LRRIQ3: variants seen among roughly 807,000 people sequenced by gnomAD.
The protein encoded by LRRIQ3 is leucine rich repeats and IQ motif containing 3.
LRRIQ3 carries 75 observed loss-of-function variants against 59.3 expected under a neutral mutation model. The observed-to-expected ratio is 1.26, with a 90% CI of 1.05 to 1.53. The LOEUF (loss-of-function observed/expected upper bound fraction) is 1.53, where lower values mean the gene tolerates loss of function less well. Among genes scored for constraint, LRRIQ3 ranks in the 40% most tolerant of loss-of-function variants. The probability of loss-of-function intolerance (pLI) is 0.00; values close to 1 mark genes in which losing one functional copy is unlikely to be tolerated. For missense variants in LRRIQ3, 831 were observed against 710.0 expected, an observed-to-expected ratio of 1.17 and a Z score of -1.94; for synonymous variants, 250 against 231.3, an observed-to-expected ratio of 1.08 and a Z score of -0.73.
chr1:74,111,303 C>T (rs559149018), intron 4 of LRRIQ3, among the ~76,000 whole-genome samples: 7 of 151,940 alleles, frequency 4.6e-5, no homozygotes, highest in Admixed American at 2.6e-4. Flanking sequence ...AAGTAAATTG[C>T]TTTTTACATA....
Position 74,041,274 on chromosome 1 carries a change from T to C in LRRIQ3, c.1657A>G (p.Lys553Glu). Reference protein sequence around the residue: ...AVLKEKSLIVKQKLKAEKYRK... With the variant: ...AVLKEKSLIVEQKLKAEKYRK... The stretch of plus-strand genomic sequence containing the variant: ...TATTTTTCTGCTTTTAGTTTTTGCT[T>C]AACAATCAGGCTTTTCTCTTTTAGG... Residue 553 changes from lysine to glutamate, a missense_variant, in exon 7 of 8, where the codon AAG becomes GAG. By Grantham distance (56) the Lys-to-Glu change is moderately conservative. Transcript: ENST00000354431. 1 of 1,599,708 alleles carries C rather than the reference T, an allele frequency of 6.3e-7. No individual in the cohort carries two copies. The highest frequency in any genetic ancestry group is 8.5e-7 in the Non-Finnish European group (1 of 1,176,572).
intron 3 of LRRIQ3, among the ~76,000 whole-genome samples, chr1:74,174,949 T>A (rs181641880): frequency 6.6e-6 from 1 of 152,248 alleles, no homozygotes; most frequent in Non-Finnish European, 1.5e-5. Context: ...TGGTAGAATG[T>A]TTCCCTTATT....
intron 5 of LRRIQ3, among the ~76,000 whole-genome samples, chr1:74,105,076 T>G (rs762980028): frequency 6.6e-6 from 1 of 152,090 alleles, no homozygotes; most frequent in Non-Finnish European, 1.5e-5. Context: ...GTAAATTTTT[T>G]GTTCACAATA....
chr1:74,195,060 G>T (rs1023567324), intron 1 of LRRIQ3, among the ~76,000 whole-genome samples: 4 of 152,122 alleles, frequency 2.6e-5, no homozygotes, highest in African/African-American at 4.8e-5. Flanking sequence ...AGGGGTGGGA[G>T]AATGTTTCTC....
intron 4 of LRRIQ3, among the ~76,000 whole-genome samples, chr1:74,111,753 T>G (rs1287771045): frequency 6.6e-6 from 1 of 152,072 alleles, no homozygotes; most frequent in East Asian, 1.9e-4. Context: ...TCTTCTTTCC[T>G]CCCTTCCTCC....
At chr1:74,068,607 T>C (rs182374177) in intron 6 of LRRIQ3, among the ~76,000 whole-genome samples, 196 of 152,200 alleles carry the variant, frequency 1.3e-3, no homozygotes, top group African/African-American at 4.6e-3. Flanking sequence ...TAAAAGTATT[T>C]AAAATATTTT....
intron 6 of LRRIQ3, among the ~76,000 whole-genome samples, chr1:74,073,251 G>C (rs1014620545): frequency 6.6e-6 from 1 of 151,978 alleles, no homozygotes; most frequent in African/African-American, 2.4e-5. Flanking sequence ...GGTGGCTCAC[G>C]CTTATAATCC....
chr1:74,145,790 CA>C (rs1299183158), intron 4 of LRRIQ3, among the ~76,000 whole-genome samples: 7 of 151,942 alleles, frequency 4.6e-5, no homozygotes, highest in African/African-American at 1.7e-4. Flanking sequence ...AATAAATCCT[CA>C]ATTTTCTCTA....
At chr1:74,194,536 A>G (rs1650974416) in intron 1 of LRRIQ3, among the ~76,000 whole-genome samples, 3 of 152,138 alleles carry the variant, frequency 2.0e-5, no homozygotes, top group Non-Finnish European at 4.4e-5. Context: ...AAGGTTATAT[A>G]CTTCTGTTCA....
chr1:74,027,018 A>C (rs1569985210), intron 7 of LRRIQ3, 49 bp from the exon 8 acceptor site: 1 of 1,252,438 alleles, frequency 8.0e-7, no homozygotes, highest in East Asian at 2.4e-5. Flanking sequence ...TAAATACTGA[A>C]ACCATGGCAA....
intron 1 of LRRIQ3, among the ~76,000 whole-genome samples, chr1:74,194,403 A>G (rs1387806034): frequency 6.6e-6 from 1 of 152,216 alleles, no homozygotes; most frequent in Non-Finnish European, 1.5e-5. Context: ...ACAAAACATT[A>G]TATTTTCATG....
In LRRIQ3 at chr1:74,031,600, T is replaced by TGGG. The variant is rs758230564; in HGVS notation, c.1719-4634_1719-4632dup. On this transcript the variant is annotated intron_variant, in intron 7 of 7. Coordinates refer to ENST00000354431, the MANE Select transcript of LRRIQ3 (RefSeq NM_001105659.2). ...ACACAGGAAGGGGAACATCACACAC[T>TGGG]GGGGCCTGTTGTGGGGTGAGGGGAG... is the stretch of plus-strand genomic sequence containing the variant. 1.2e-4 allele frequency among the ~76,000 whole-genome samples: 13 copies of TGGG among 110,842 alleles called. No individual in the cohort carries two copies. In the East Asian group the frequency reaches 2.0e-3, roughly 17 times the overall value. 72.7% of individuals were successfully genotyped at this position (110,842 alleles called of 152,430 possible).
At chr1:74,130,304 T>C (rs1646994041) in intron 4 of LRRIQ3, among the ~76,000 whole-genome samples, 1 of 152,116 alleles carries the variant, frequency 6.6e-6, no homozygotes, top group Admixed American at 6.6e-5. Flanking sequence ...GCAACTTCCC[T>C]ATGGCTATGG....
At chr1:74,143,814 A>T (rs1647383660) in intron 4 of LRRIQ3, among the ~76,000 whole-genome samples, 2 of 151,578 alleles carry the variant, frequency 1.3e-5, no homozygotes, top group South Asian at 2.1e-4. Context: ...GGCATATTAG[A>T]TGTATTACTA....
At chr1:74,062,631 C>T (rs1654752344) in intron 6 of LRRIQ3, among the ~76,000 whole-genome samples, 1 of 152,070 alleles carries the variant, frequency 6.6e-6, no homozygotes, top group Non-Finnish European at 1.5e-5. Context: ...GTGGTATATA[C>T]ACAACATGGA....
intron 3 of LRRIQ3, among the ~76,000 whole-genome samples, chr1:74,170,679 A>T (rs1289834841): frequency 6.6e-6 from 1 of 152,072 alleles, no homozygotes; most frequent in African/African-American, 2.4e-5. Context: ...GTGGTGCCAT[A>T]TTAATTTTAG....
In LRRIQ3 at chr1:74,182,822, T is replaced by TA. The variant is rs1650077430; in HGVS notation, c.288_289insT (p.Lys97Ter). 2 of 1,563,342 alleles carry TA rather than the reference T, an allele frequency of 1.3e-6. No individual in the cohort carries two copies. On this transcript the variant is annotated frameshift_variant, in exon 3 of 8. Transcript: ENST00000354431. LOFTEE classifies it high-confidence loss of function. Reference sequence around the variant, plus strand: ...TGAAGATAGAGTAGTTTTAGGTTCTTCAATCCATTCCAAAATTTGGTATTT... The same window carrying TA: ...TGAAGATAGAGTAGTTTTAGGTTCTTACAATCCATTCCAAAATTTGGTATTT...
At chr1:74,103,223 C>A (rs1418050551) in intron 5 of LRRIQ3, among the ~76,000 whole-genome samples, 1 of 151,932 alleles carries the variant, frequency 6.6e-6, no homozygotes, top group African/African-American at 2.4e-5. Context: ...ATAAAATCAA[C>A]CTCTGCCCAG....
chr1:74,031,783 C>A (rs978680881), intron 7 of LRRIQ3, among the ~76,000 whole-genome samples: 1 of 151,692 alleles, frequency 6.6e-6, no homozygotes, highest in Non-Finnish European at 1.5e-5. Context: ...TTAAAAAAGT[C>A]TTAGAGAATG....
Sources: gnomAD v4.1 joint callset for allele counts (sites outside exome capture counted in the v4.1 genomes callset) on GRCh38, gnomAD v4.1.1 for gene constraint, MANE v1.5 for transcripts, NCBI Gene and HGNC (gene_info 2026-07-23, HGNC 2026-07-21) for gene names.